AGBL1: variants seen among roughly 807,000 people sequenced by gnomAD.
AGBL1 encodes the protein cytosolic carboxypeptidase 4.
AGBL1 carries 130 observed loss-of-function variants against 118.9 expected under a neutral mutation model. The ratio of observed to expected loss-of-function variants is 1.09; its 90% confidence interval spans 0.95 to 1.26. The LOEUF (loss-of-function observed/expected upper bound fraction) is 1.26. AGBL1 is among the 50% of genes most tolerant of loss of function. AGBL1 has a pLI of 0.00. For synonymous variants in AGBL1, 555 were observed against 478.9 expected (o/e 1.16, Z -2.08); for missense variants, 1,584 against 1,298.1 (o/e 1.22, Z -3.38).
At chr15:86,768,180 G>A (rs182765600) in intron 22 of AGBL1, among the ~76,000 whole-genome samples, 9 of 151,936 alleles carry the variant, frequency 5.9e-5, no homozygotes, top group East Asian at 1.9e-4. Context: ...TGATTTGCTC[G>A]CAAATTTTAT....
intron 21 of AGBL1, chr15:86,630,440 C>T (rs1256491851): frequency 6.6e-6 from 1 of 152,280 alleles, no homozygotes; most frequent in Non-Finnish European, 1.5e-5. Context: ...GACTCCCACA[C>T]TTACGGGAGG....
intron 22 of AGBL1, among the ~76,000 whole-genome samples, chr15:86,722,399 A>C: frequency 1.3e-5 from 2 of 152,194 alleles, no homozygotes; most frequent in East Asian, 3.9e-4. Flanking sequence ...AAAAACAAGC[A>C]ATGGGGAAAG....
intron 24 of AGBL1, among the ~76,000 whole-genome samples, chr15:87,002,352 C>T (rs1289368109): frequency 6.6e-6 from 1 of 151,894 alleles, no homozygotes; most frequent in Non-Finnish European, 1.5e-5. Flanking sequence ...TGTTTTGGTA[C>T]CAGTACCATG....
intron 17 of AGBL1, among the ~76,000 whole-genome samples, chr15:86,396,164 A>T (rs1303829706): frequency 3.4e-5 from 5 of 145,716 alleles, no homozygotes; most frequent in East Asian, 2.3e-4. Context: ...TATATATATA[A>T]AATCATATAT....
intron 18 of AGBL1, among the ~76,000 whole-genome samples, chr15:86,447,114 G>C (rs2082130082): frequency 6.6e-6 from 1 of 152,142 alleles, no homozygotes; most frequent in Non-Finnish European, 1.5e-5. Flanking sequence ...GAAGTTATTG[G>C]TTTCAGCCTA....
intron 19 of AGBL1, among the ~76,000 whole-genome samples, chr15:86,537,906 A>T (rs2083447348): frequency 6.6e-6 from 1 of 152,212 alleles, no homozygotes; most frequent in South Asian, 2.1e-4. Flanking sequence ...ATAGACGTTA[A>T]AATCATTACT....
At chr15:86,281,973 G>T (rs549304048) in intron 16 of AGBL1, among the ~76,000 whole-genome samples, 52 of 152,226 alleles carry the variant, frequency 3.4e-4, no homozygotes, top group Middle Eastern at 3.4e-3. Context: ...TCCAAACATG[G>T]TCTAATTCTT....
intron 18 of AGBL1, among the ~76,000 whole-genome samples, chr15:86,409,468 C>T (rs2081580444): frequency 6.6e-6 from 1 of 152,158 alleles, no homozygotes; most frequent in Non-Finnish European, 1.5e-5. Context: ...CCATTCCCAC[C>T]ATCGCCTGCA....
At chr15:86,726,690 T>C (rs1396096890) in intron 22 of AGBL1, among the ~76,000 whole-genome samples, 2 of 152,078 alleles carry the variant, frequency 1.3e-5, no homozygotes, top group African/African-American at 4.8e-5. Context: ...GACTCCTGAG[T>C]AGCTGGGACT....
chr15:86,238,557 C>G (rs995191278), intron 6 of AGBL1, among the ~76,000 whole-genome samples: 13 of 152,324 alleles, frequency 8.5e-5, no homozygotes, highest in African/African-American at 3.1e-4. Context: ...ACCATATTTT[C>G]TCAAATCTAA....
intron 17 of AGBL1, among the ~76,000 whole-genome samples, chr15:86,321,913 A>G (rs2080110780): frequency 6.6e-6 from 1 of 152,016 alleles, no homozygotes; most frequent in East Asian, 1.9e-4. Flanking sequence ...GAATTATTCA[A>G]TACTTTCTTT....
intron 22 of AGBL1, among the ~76,000 whole-genome samples, chr15:86,684,460 TCTC>T (rs996837633): frequency 5.2e-5 from 2 of 38,180 alleles, no homozygotes; most frequent in Non-Finnish European, 1.2e-4. Context: ...AGCATAGTTC[TCTC>T]TTTTTTTTTT....
chr15:86,954,444 T>C lies in AGBL1; in HGVS notation c.3222-33543T>C, dbSNP rs79484065. Among the ~76,000 whole-genome samples the C allele has an allele frequency of 2.8e-3, 421 of 152,292 alleles. 1 individual carries two copies. The highest frequency in any genetic ancestry group is 9.3e-3 in the African/African-American group (388 of 41,578). On this transcript the variant is annotated intron_variant, in intron 23 of 24. Transcript: ENST00000441037. ...GACTGAAGGAGGAAAATATGATACA[T>C]ATACACCATGGAACACTGTGCAGCT...
intron 9 of AGBL1, among the ~76,000 whole-genome samples, chr15:86,259,218 T>A (rs969582896): frequency 1.3e-5 from 2 of 152,198 alleles, no homozygotes; most frequent in African/African-American, 4.8e-5. Context: ...CCTCCAGGGA[T>A]GAACCAAAAA....
intron 22 of AGBL1, among the ~76,000 whole-genome samples, chr15:86,700,325 C>A (rs1020517970): frequency 2.0e-5 from 3 of 151,984 alleles, no homozygotes; most frequent in African/African-American, 7.2e-5. Context: ...TCTGGCACAG[C>A]AGTATGTTCT....
At chr15:86,548,663 G>A (rs58619646) in intron 20 of AGBL1, among the ~76,000 whole-genome samples, 2,980 of 142,750 alleles carry the variant, frequency 0.021, 123 homozygotes, top group African/African-American at 0.072. Context: ...ACACATGCAC[G>A]CACACACACA....
intron 21 of AGBL1, among the ~76,000 whole-genome samples, chr15:86,579,751 G>T (rs1300031345): frequency 1.3e-5 from 2 of 152,178 alleles, no homozygotes; most frequent in Non-Finnish European, 2.9e-5. Context: ...CAGTCAGAAG[G>T]CTTTTGTGAA....
chr15:86,473,374 C>T (rs1201869523), intron 18 of AGBL1, among the ~76,000 whole-genome samples: 1 of 152,056 alleles, frequency 6.6e-6, no homozygotes, highest in East Asian at 1.9e-4. Context: ...CTCTATTGAT[C>T]TTTTTTTATC....
intron 23 of AGBL1, chr15:86,987,970 T>G (rs748384072): frequency 5.6e-6 from 9 of 1,612,054 alleles, no homozygotes; most frequent in Non-Finnish European, 7.6e-6. Flanking sequence ...TACCACTCAT[T>G]TATCTGAACA....
Sources: allele counts gnomAD v4.1 joint callset (sites outside exome capture counted in the v4.1 genomes callset), GRCh38; gene constraint gnomAD v4.1.1; transcripts MANE v1.5; gene names NCBI Gene and HGNC (gene_info 2026-07-23, HGNC 2026-07-21).